Variants in RUFY3 observed in about 807,000 individuals in gnomAD.
RUFY3 encodes RUN and FYVE domain containing 3, also known as protein RUFY3.
A neutral mutation model predicts 84.0 loss-of-function variants in RUFY3; 34 were observed. The observed-to-expected ratio is 0.40, with a 90% CI of 0.31 to 0.54. The LOEUF is 0.54. Among genes scored for constraint, RUFY3 ranks in the 20% least tolerant of loss-of-function variants. The pLI, the probability that RUFY3 is intolerant of heterozygous loss-of-function variation, is 0.39. For synonymous variants in RUFY3, 242 were observed against 252.9 expected (o/e 0.96, Z 0.41); for missense variants, 507 against 736.8 (o/e 0.69, Z 3.61).
intron 1 of RUFY3, among the ~76,000 whole-genome samples, chr4:70,751,520 A>G (rs1723130987): frequency 6.6e-6 from 1 of 152,138 alleles, no homozygotes; most frequent in African/African-American, 2.4e-5. Context: ...GCATCTTTTC[A>G]TATGCTTTCT....
chr4:70,749,524 T>G (rs1391739714), intron 1 of RUFY3, among the ~76,000 whole-genome samples: 1 of 2,360 alleles, frequency 4.2e-4, no homozygotes, highest in South Asian at 0.013. Flanking sequence ...ATCAAAAGGG[T>G]TTTTTTTTTT....
At chr4:70,803,042 G>A in intron 16 of RUFY3, 59 bp downstream of exon 16, 1 of 1,308,410 alleles carries the variant, frequency 7.6e-7, no homozygotes, top group Non-Finnish European at 1.1e-6. Flanking sequence ...GTTGTACCGT[G>A]CCTAGCCAGC....
At chr4:70,726,592 C>T (rs1008966570) in intron 1 of RUFY3, among the ~76,000 whole-genome samples, 3 of 152,160 alleles carry the variant, frequency 2.0e-5, no homozygotes, top group South Asian at 2.1e-4. Flanking sequence ...AGGCTGGTCT[C>T]GAACTCCCGA....
chr4:70,793,031 C>T (rs1249903078), intron 12 of RUFY3: 2 of 984,984 alleles, frequency 2.0e-6, no homozygotes, highest in Non-Finnish European at 2.4e-6. Context: ...TATAAAGCCC[C>T]AAGTGCTTTA....
chr4:70,705,201 T>A (rs954051493), exon 1 of RUFY3: 2 of 1,461,798 alleles, frequency 1.4e-6, no homozygotes, highest in African/African-American at 1.5e-5. Context: ...GCAGCGCTCC[T>A]GGAGGACCCC....
Position 70,789,559 on chromosome 4 carries a change from A to T in RUFY3, c.1304A>T (p.Gln435Leu). 3 of 1,613,078 alleles carry T rather than the reference A, an allele frequency of 1.9e-6. No individual in the cohort carries two copies. Among genetic ancestry groups the T allele is most frequent in the Non-Finnish European group, 2.5e-6 (3 of 1,179,382 alleles). ...LNSRLEEKTN[Q>L]MAATIKQLEQ... ...AGTCGCTTGGAAGAGAAGACTAATC[A>T]GATGGCTGCTACCATTAAACAACTT... The change falls in exon 12 of 18, where the codon CAG becomes CTG. Residue 435 changes from glutamine (Q) to leucine (L), a missense_variant. Around this residue, in one of 4 missense-constraint regions of RUFY3, gnomAD observed 334 missense variants for 364.1 expected, o/e 0.92. Transcript: ENST00000381006.
chr4:70,800,335 C>T, intron 15 of RUFY3, 130 bp downstream of exon 15: 1 of 645,484 alleles, frequency 1.5e-6, no homozygotes, highest in Non-Finnish European at 2.6e-6. Flanking sequence ...GCCAGGAAGA[C>T]ATTTGAAGTG....
chr4:70,798,140 T>C (rs1731762970), intron 14 of RUFY3, among the ~76,000 whole-genome samples: 1 of 152,022 alleles, frequency 6.6e-6, no homozygotes, highest in Non-Finnish European at 1.5e-5. Context: ...GCCGTTGGCA[T>C]GAAGATTGCT....
chr4:70,800,076 A>G (rs1732030263), intron 14 of RUFY3, 65 bp from the exon 15 acceptor site: 2 of 1,484,818 alleles, frequency 1.3e-6, no homozygotes, highest in South Asian at 2.5e-5. Context: ...GCAGAAGAAA[A>G]TATTTGCAAT....
At chr4:70,716,795 A>G (rs1397795941) in intron 1 of RUFY3, among the ~76,000 whole-genome samples, 2 of 151,442 alleles carry the variant, frequency 1.3e-5, no homozygotes, top group Non-Finnish European at 1.5e-5. Context: ...CAGTGAGCCA[A>G]GATCATGCCA....
intron 6 of RUFY3, among the ~76,000 whole-genome samples, chr4:70,774,614 C>CAAAAAAAAAA (rs1172638290): frequency 4.5e-5 from 1 of 22,090 alleles, no homozygotes; most frequent in African/African-American, 2.1e-4. Flanking sequence ...GACTCTGCCT[C>CAAAAAAAAAA]AAAAAAAAAA....
chr4:70,779,584 C>CTTTTTTT (rs779419538), intron 8 of RUFY3, among the ~76,000 whole-genome samples: 19 of 130,482 alleles, frequency 1.5e-4, no homozygotes, highest in East Asian at 6.5e-4. Context: ...ATTTCTTTTT[C>CTTTTTTT]TTTTTTTTTT....
intron 3 of RUFY3, 71 bp from the exon 4 acceptor site, chr4:70,764,404 G>A (rs1032635137): frequency 2.9e-6 from 3 of 1,020,774 alleles, no homozygotes; most frequent in Non-Finnish European, 4.6e-6. Flanking sequence ...AAGAATAAGT[G>A]AACTGATTCT....
At chr4:70,772,266 A>G (rs1727092144) in intron 5 of RUFY3, among the ~76,000 whole-genome samples, 2 of 152,088 alleles carry the variant, frequency 1.3e-5, no homozygotes, top group South Asian at 2.1e-4. Flanking sequence ...ATGAATACCA[A>G]CACTCACAAT....
intron 15 of RUFY3, 83 bp downstream of exon 15, chr4:70,800,288 T>C: frequency 2.1e-6 from 2 of 966,138 alleles, no homozygotes; most frequent in Non-Finnish European, 3.1e-6. Flanking sequence ...TACATTGGCA[T>C]TGACACCGAC....
At position 70,762,717 on chromosome 4, in the gene RUFY3, A is replaced by G. The variant is rs770514400; in HGVS notation, c.352+25A>G. On this transcript the variant is annotated intron_variant, in intron 2 of 17. Coordinates refer to ENST00000381006, the MANE Select transcript of RUFY3 (RefSeq NM_001037442.4). ...GGTAGGCCATCACCCCAAAATGCAA[A>G]TATGCATGCAGCTGTTTTCTAGCAA... 22 of 1,592,846 alleles carry G rather than the reference A, an allele frequency of 1.4e-5. No homozygotes were observed. In the South Asian group the frequency reaches 2.3e-4, roughly 17 times the overall value.
In RUFY3 at chr4:70,768,616, C is replaced by A; in HGVS notation, c.651C>A (p.Val217=). 3 of 1,613,914 alleles carry A rather than the reference C, an allele frequency of 1.9e-6. No homozygotes were observed. The highest frequency in any genetic ancestry group is 2.5e-6 in the Non-Finnish European group (3 of 1,179,930). ...IIAGLLVGLN[V]IDANFCMKGE... is the part of the protein sequence containing the mutation. Reference sequence around the variant, plus strand: ...CTGGTCTGTTGGTGGGTCTGAATGTCATTGATGCCAATTTCTGTATGAAAG... The same window carrying A: ...CTGGTCTGTTGGTGGGTCTGAATGTAATTGATGCCAATTTCTGTATGAAAG... Residue 217 remains valine, a synonymous_variant, in exon 5 of 18, where the codon GTC becomes GTA. Transcript: ENST00000381006.
chr4:70,704,178 G>C (rs746788450), upstream of RUFY3: 3 of 152,234 alleles, frequency 2.0e-5, no homozygotes, highest in Non-Finnish European at 4.4e-5. Flanking sequence ...CGCGGCACTA[G>C]AAAACCAGGG....
chr4:70,785,603 T>C (rs1405394567), intron 10 of RUFY3, among the ~76,000 whole-genome samples: 3 of 151,112 alleles, frequency 2.0e-5, no homozygotes, highest in Non-Finnish European at 4.4e-5. Flanking sequence ...CTGAGGCGGA[T>C]GGATCACGTA....
Sources: allele counts gnomAD v4.1 joint callset (sites outside exome capture counted in the v4.1 genomes callset), GRCh38; gene constraint gnomAD v4.1.1; regional missense constraint gnomAD v4.1.1; transcripts MANE v1.5; gene names NCBI Gene and HGNC (gene_info 2026-07-23, HGNC 2026-07-21).